RNF111: variants seen among roughly 807,000 people sequenced by gnomAD.
RNF111 encodes ring finger protein 111.
Under a neutral mutation model 95.1 loss-of-function variants are expected in RNF111, and 17 were observed. That is an observed-to-expected ratio of 0.18 (90% confidence interval 0.12 to 0.27). The LOEUF (loss-of-function observed/expected upper bound fraction) is 0.27. RNF111 is among the 10% of genes least tolerant of loss of function. RNF111 has a pLI of 1.00. For missense variants in RNF111, 1,189 were observed against 1,210.4 expected (o/e 0.98, Z 0.26); for synonymous variants, 440 against 414.8 (o/e 1.06, Z -0.74).
In RNF111 at chr15:59,031,695, T is replaced by C. The variant is rs2040916651; in HGVS notation, c.873T>C (p.Val291=). 1 of 1,612,788 alleles carries C rather than the reference T, an allele frequency of 6.2e-7. No homozygotes were observed. The highest frequency in any genetic ancestry group is 1.3e-5 in the African/African-American group (1 of 75,000). ...AAAACCACCAAAACAATCCAGCTGTTCCCTCAGGTAAAAATGTTTAAGCTG... is the reference window on the plus strand; with the variant it reads ...AAAACCACCAAAACAATCCAGCTGTCCCCTCAGGTAAAAATGTTTAAGCTG... The part of the protein sequence containing the change: ...ASENHQNNPA[V]PSGSIDEDVV... The change falls in exon 2 of 14, where the codon GTT becomes GTC. Residue 291 remains valine, a synonymous_variant. Coordinates refer to ENST00000348370, the MANE Select transcript of RNF111 (RefSeq NM_017610.8).
chr15:59,005,884 G>A (rs888468807), intron 1 of RNF111, among the ~76,000 whole-genome samples: 16 of 152,162 alleles, frequency 1.1e-4, no homozygotes, highest in African/African-American at 3.4e-4. Flanking sequence ...TCATTTTTCA[G>A]ATGAGGAAAT....
In RNF111 at chr15:59,030,388, A is replaced by T. The variant is rs556136659; in HGVS notation, c.-19-416A>T. On this transcript the variant is annotated intron_variant, in intron 1 of 13. Transcript: ENST00000348370. ...AAACATTTAATAATAACCACTTAAAAATGTCATACCAGGAGTAAAACATGT... is the reference window on the plus strand; with the variant it reads ...AAACATTTAATAATAACCACTTAAATATGTCATACCAGGAGTAAAACATGT... 3.3e-5 allele frequency among the ~76,000 whole-genome samples: 5 copies of T among 152,334 alleles called. No individual in the cohort carries two copies. In the East Asian group the frequency reaches 7.7e-4, roughly 23 times the overall value.
chr15:59,021,574 A>G (rs2141657941), intron 1 of RNF111, among the ~76,000 whole-genome samples: 1 of 152,302 alleles, frequency 6.6e-6, no homozygotes, highest in South Asian at 2.1e-4. Flanking sequence ...CCACTATGCC[A>G]TGTGCTTTGT....
intron 9 of RNF111, among the ~76,000 whole-genome samples, chr15:59,084,723 G>C (rs2078848275): frequency 6.6e-6 from 1 of 152,012 alleles, no homozygotes; most frequent in African/African-American, 2.4e-5. Flanking sequence ...ACTCCTCCCA[G>C]CTGAAGCTTT....
rs1395523518 is a variant in RNF111, at chr15:59,097,146, CTT to C, written c.*2248_*2249del. On this transcript the variant is annotated 3_prime_UTR_variant, in exon 14 of 14. Transcript: ENST00000348370. ...ATGAAGAAAGTAAGGAAGAAAATGACTTTGAACATTTTGACTTTTTGTGCTTT... is the reference window on the plus strand; with the variant it reads ...ATGAAGAAAGTAAGGAAGAAAATGACTGAACATTTTGACTTTTTGTGCTTT... 2 of 152,218 alleles carry C rather than the reference CTT, an allele frequency of 1.3e-5. No individual in the cohort carries two copies. The highest frequency in any genetic ancestry group is 4.8e-5 in the African/African-American group (2 of 41,458). 9.4% of individuals were successfully genotyped at this position (152,218 alleles called of 1,614,324 possible). A position where few individuals can be genotyped will look rare whatever the true frequency, so the allele number is the denominator to read the frequency against.
chr15:59,087,029 T>G (rs1171619938), intron 10 of RNF111, among the ~76,000 whole-genome samples: 3 of 152,134 alleles, frequency 2.0e-5, no homozygotes, highest in Non-Finnish European at 4.4e-5. Context: ...ATTTGAGAGA[T>G]ATTTAGGGTT....
intron 1 of RNF111, among the ~76,000 whole-genome samples, chr15:59,027,158 C>T (rs144032765): frequency 1.5e-3 from 223 of 152,288 alleles, no homozygotes; most frequent in African/African-American, 5.3e-3. Flanking sequence ...TCTCCATTAT[C>T]AACATGAGGA....
intron 6 of RNF111, among the ~76,000 whole-genome samples, chr15:59,069,853 A>T (rs1305722521): frequency 1.3e-5 from 2 of 152,000 alleles, no homozygotes; most frequent in African/African-American, 4.8e-5. Context: ...GATTTTGTAG[A>T]TATCTTATGT....
chr15:59,003,762 A>G (rs1451547628), intron 1 of RNF111, among the ~76,000 whole-genome samples: 3 of 152,188 alleles, frequency 2.0e-5, no homozygotes, highest in Non-Finnish European at 4.4e-5. Context: ...TCTCATTTGC[A>G]TGTAATTTCC....
At chr15:59,029,249 A>G (rs2040788017) in intron 1 of RNF111, among the ~76,000 whole-genome samples, 1 of 151,110 alleles carries the variant, frequency 6.6e-6, no homozygotes. Flanking sequence ...GCCCCATTCA[A>G]CTCTTAGATC....
chr15:59,077,059 T>C (rs1294221431), intron 7 of RNF111, among the ~76,000 whole-genome samples: 1 of 152,242 alleles, frequency 6.6e-6, no homozygotes, highest in East Asian at 1.9e-4. Flanking sequence ...TGATATATTA[T>C]TTACCTTCTC....
chr15:59,072,654 G>T (rs565979498), intron 6 of RNF111, among the ~76,000 whole-genome samples: 14 of 151,242 alleles, frequency 9.3e-5, no homozygotes, highest in African/African-American at 2.9e-4. Context: ...GGGTTTCACC[G>T]TGATAGCCAC....
At chr15:59,093,412 C>G (rs2079111233) in intron 13 of RNF111, 4 of 428,850 alleles carry the variant, frequency 9.3e-6, no homozygotes, top group African/African-American at 2.3e-5. Flanking sequence ...GGGCAGCAGT[C>G]TCAGCTCACT....
chr15:59,010,382 C>T (rs1336111118), intron 1 of RNF111, among the ~76,000 whole-genome samples: 2 of 152,026 alleles, frequency 1.3e-5, no homozygotes, highest in South Asian at 2.1e-4. Context: ...GATTCCACAT[C>T]TGTTTTATTT....
At chr15:59,040,548 G>A (rs2041400264) in intron 2 of RNF111, among the ~76,000 whole-genome samples, 1 of 152,144 alleles carries the variant, frequency 6.6e-6, no homozygotes. Context: ...TTTTATGTAA[G>A]TTGTTGTTTT....
At chr15:59,038,792 C>G (rs573235108) in intron 2 of RNF111, among the ~76,000 whole-genome samples, 1 of 152,224 alleles carries the variant, frequency 6.6e-6, no homozygotes, top group Non-Finnish European at 1.5e-5. Flanking sequence ...TCCGGCAGTA[C>G]TTTGTTGATG....
At chr15:59,014,403 T>C (rs1419028418) in intron 1 of RNF111, among the ~76,000 whole-genome samples, 3 of 152,218 alleles carry the variant, frequency 2.0e-5, no homozygotes, top group Admixed American at 1.3e-4. Flanking sequence ...TGCAGAATGC[T>C]TGGAGAATTT....
At chr15:59,081,330 C>T (rs2078736799) in intron 8 of RNF111, 46 bp downstream of exon 8, 2 of 1,497,836 alleles carry the variant, frequency 1.3e-6, no homozygotes, top group Admixed American at 1.9e-5. Flanking sequence ...GCTTTTTCTT[C>T]TACTTCCATT....
intron 1 of RNF111, among the ~76,000 whole-genome samples, chr15:58,994,012 T>A (rs1043900058): frequency 6.6e-6 from 1 of 150,594 alleles, no homozygotes; most frequent in Non-Finnish European, 1.5e-5. Context: ...TCTTTTGACA[T>A]CCCAATTTGT....
Sources: allele counts gnomAD v4.1 joint callset (sites outside exome capture counted in the v4.1 genomes callset), GRCh38; gene constraint gnomAD v4.1.1; transcripts MANE v1.5; gene names NCBI Gene and HGNC (gene_info 2026-07-23, HGNC 2026-07-21).